VPS41: variants seen among roughly 807,000 people sequenced by gnomAD.
VPS41 encodes the protein vacuolar protein sorting-associated protein 41 homolog.
A neutral mutation model predicts 130.9 loss-of-function variants in VPS41; 85 were observed. The observed-to-expected ratio is 0.65, with a 90% CI of 0.55 to 0.78. VPS41 has a LOEUF of 0.78. VPS41 is among the 30% of genes least tolerant of loss of function. The pLI is 0.00. For synonymous variants in VPS41, 335 were observed against 332.9 expected, an observed-to-expected ratio of 1.01 and a Z score of -0.07; for missense variants, 874 against 1,018.7, an observed-to-expected ratio of 0.86 and a Z score of 1.93.
intron 16 of VPS41, among the ~76,000 whole-genome samples, chr7:38,765,236 T>C (rs973383406): frequency 1.3e-5 from 2 of 152,142 alleles, no homozygotes; most frequent in African/African-American, 4.8e-5. Context: ...AAATACAATA[T>C]TATTCAGTAA....
chr7:38,758,315 C>A, intron 18 of VPS41, 39 bp downstream of exon 18: 1 of 1,566,748 alleles, frequency 6.4e-7, no homozygotes, highest in South Asian at 1.2e-5. Context: ...CTTTTCAACA[C>A]AGACTGATAT....
chr7:38,789,933 G>A (rs570963009), intron 9 of VPS41, 66 bp from the exon 10 acceptor site: 70 of 1,527,744 alleles, frequency 4.6e-5, no homozygotes, highest in Admixed American at 2.2e-4. Context: ...ATTTTATTCA[G>A]TATATGGTAT....
At chr7:38,763,191 T>C (rs1783958247) in intron 17 of VPS41, among the ~76,000 whole-genome samples, 1 of 152,178 alleles carries the variant, frequency 6.6e-6, no homozygotes, top group South Asian at 2.1e-4. Flanking sequence ...ATTTATGAAA[T>C]CTACAAAATA....
intron 10 of VPS41, among the ~76,000 whole-genome samples, chr7:38,778,590 G>A (rs916765197): frequency 6.6e-6 from 1 of 152,182 alleles, no homozygotes; most frequent in Non-Finnish European, 1.5e-5. Context: ...AAATGGACTT[G>A]CATTCTGTTT....
intron 2 of VPS41, among the ~76,000 whole-genome samples, chr7:38,887,337 A>T (rs1189524808): frequency 6.6e-6 from 1 of 152,176 alleles, no homozygotes; most frequent in Non-Finnish European, 1.5e-5. Context: ...AGCTTAAATG[A>T]CCTAATGGAG....
intron 7 of VPS41, among the ~76,000 whole-genome samples, chr7:38,813,322 A>C (rs1389056149): frequency 6.6e-6 from 1 of 152,178 alleles, no homozygotes; most frequent in Admixed American, 6.5e-5. Context: ...AAACTTATAG[A>C]GAAAGAAAAT....
At chr7:38,862,403 T>C in intron 4 of VPS41, 142 bp downstream of exon 4, 1 of 487,584 alleles carries the variant, frequency 2.1e-6, no homozygotes, top group Non-Finnish European at 3.5e-6. Flanking sequence ...ATTATAAAGT[T>C]CAAATTTATA....
At chr7:38,902,648 C>G (rs3779119) in intron 1 of VPS41, among the ~76,000 whole-genome samples, 48,437 of 152,012 alleles carry the variant, frequency 0.32, 8,264 homozygotes, top group Admixed American at 0.5. Flanking sequence ...TGCACCACCC[C>G]CTGCCTGCCT....
intron 5 of VPS41, among the ~76,000 whole-genome samples, chr7:38,828,159 T>C (rs1785316572): frequency 2.6e-5 from 4 of 152,078 alleles, no homozygotes; most frequent in Non-Finnish European, 5.9e-5. Flanking sequence ...GAAAGCAACA[T>C]ATGCAAGAAA....
chr7:38,775,431 T>C (rs967038949), intron 11 of VPS41: 1 of 152,186 alleles, frequency 6.6e-6, no homozygotes, highest in Non-Finnish European at 1.5e-5. Flanking sequence ...CCTTTCTTTC[T>C]TTGCTCAGTT....
intron 7 of VPS41, among the ~76,000 whole-genome samples, chr7:38,809,468 T>C (rs919830771): frequency 2.0e-5 from 3 of 151,586 alleles, no homozygotes; most frequent in Non-Finnish European, 2.9e-5. Context: ...ACAATCTTAA[T>C]AATAATTTTT....
At chr7:38,902,937 A>C in intron 1 of VPS41, among the ~76,000 whole-genome samples, 1 of 152,212 alleles carries the variant, frequency 6.6e-6, no homozygotes, top group East Asian at 1.9e-4. Context: ...CTGTGGATAA[A>C]CCCAAAGGCT....
chr7:38,907,415 T>A (rs976780671), intron 1 of VPS41, among the ~76,000 whole-genome samples: 1 of 152,198 alleles, frequency 6.6e-6, no homozygotes, highest in African/African-American at 2.4e-5. Context: ...CAAGGTCCTG[T>A]GGGACAACCA....
At chr7:38,898,195 A>G (rs1787055659) in intron 1 of VPS41, 66 bp from the exon 2 acceptor site, 3 of 1,395,578 alleles carry the variant, frequency 2.1e-6, no homozygotes, top group Non-Finnish European at 3.0e-6. Flanking sequence ...TGCAAGGGGA[A>G]AGAGTCCTCA....
chr7:38,821,343 T>C, intron 5 of VPS41, 78 bp from the exon 6 acceptor site: 2 of 918,226 alleles, frequency 2.2e-6, no homozygotes, highest in Admixed American at 2.2e-5. Context: ...ACACATACTA[T>C]CAATAAGAAA....
In VPS41 at chr7:38,827,809, T is replaced by C. The variant is rs1017458552; in HGVS notation, c.321+2445A>G. ...GCAATCATCAAAATTATAACCGAAC[T>C]AAACTTTTCTGAAATGAAAACAATA... On this transcript the variant is annotated intron_variant, in intron 5 of 28. Transcript: ENST00000310301. Among the ~76,000 whole-genome samples, 3 of 152,274 alleles carry C rather than the reference T, an allele frequency of 2.0e-5. 1 individual carries two copies. In the Middle Eastern group the frequency reaches 0.01, roughly 521 times the overall value.
intron 7 of VPS41, among the ~76,000 whole-genome samples, chr7:38,811,984 T>A (rs1784951486): frequency 6.6e-6 from 1 of 152,112 alleles, no homozygotes. Context: ...AACTGTAGTG[T>A]TCTGACTACA....
intron 22 of VPS41, among the ~76,000 whole-genome samples, chr7:38,746,989 C>G (rs2286098): frequency 0.24 from 35,802 of 152,102 alleles, 4,901 homozygotes; most frequent in East Asian, 0.43. Flanking sequence ...AACACTTCCA[C>G]GTGACAGAAA....
At chr7:38,750,574 GAAA>G in intron 22 of VPS41, among the ~76,000 whole-genome samples, 1 of 152,298 alleles carries the variant, frequency 6.6e-6, no homozygotes, top group African/African-American at 2.4e-5. Context: ...GGACCAGAGA[GAAA>G]AATTCTACAA....
Sources: allele counts gnomAD v4.1 joint callset (sites outside exome capture counted in the v4.1 genomes callset), GRCh38; gene constraint gnomAD v4.1.1; transcripts MANE v1.5; gene names NCBI Gene and HGNC (gene_info 2026-07-23, HGNC 2026-07-21).